The following MACROD2 variants were observed in gnomAD, a reference collection of about 807,000 sequenced individuals.
MACROD2 encodes mono-ADP ribosylhydrolase 2.
Under a neutral mutation model 70.4 loss-of-function variants are expected in MACROD2, and 36 were observed. The ratio of observed to expected loss-of-function variants is 0.51; its 90% CI spans 0.39 to 0.68. The LOEUF is 0.68. Among genes scored for constraint, MACROD2 ranks in the 30% least tolerant of loss-of-function variants. The probability of loss-of-function intolerance (pLI) is 0.00; values close to 1 mark genes in which losing one functional copy is unlikely to be tolerated. For missense variants in MACROD2, 496 were observed against 538.4 expected, an observed-to-expected ratio of 0.92 and a Z score of 0.78; for synonymous variants, 172 against 178.8, an observed-to-expected ratio of 0.96 and a Z score of 0.30.
chr20:15,210,734 A>T (rs971676146), intron 5 of MACROD2, among the ~76,000 whole-genome samples: 2 of 151,782 alleles, frequency 1.3e-5, no homozygotes, highest in Non-Finnish European at 2.9e-5. Context: ...TTCTCATGAG[A>T]TCGTTGTTTA....
chr20:14,802,905 A>T (rs2072595607), intron 5 of MACROD2, among the ~76,000 whole-genome samples: 2 of 151,960 alleles, frequency 1.3e-5, no homozygotes, highest in Admixed American at 6.6e-5. Context: ...AGTATTAGAG[A>T]TATGCCTACC....
At chr20:15,252,156 A>C (rs746763209) in intron 6 of MACROD2, among the ~76,000 whole-genome samples, 7 of 152,228 alleles carry the variant, frequency 4.6e-5, no homozygotes, top group Non-Finnish European at 1.0e-4. Context: ...TTGAGGAGCT[A>C]TACTAGGCTT....
At chr20:14,567,297 G>A (rs1260944857) in intron 4 of MACROD2, among the ~76,000 whole-genome samples, 1 of 151,856 alleles carries the variant, frequency 6.6e-6, no homozygotes, top group South Asian at 2.1e-4. Context: ...TTGTATGTTG[G>A]GATATTTTGA....
chr20:14,301,512 C>G (rs1386750911), intron 3 of MACROD2, among the ~76,000 whole-genome samples: 1 of 152,070 alleles, frequency 6.6e-6, no homozygotes, highest in African/African-American at 2.4e-5. Context: ...TGTCTATGAA[C>G]CACTGAACAA....
intron 8 of MACROD2, among the ~76,000 whole-genome samples, chr20:15,860,941 A>T (rs914254062): frequency 3.3e-5 from 5 of 152,348 alleles, no homozygotes; most frequent in African/African-American, 9.6e-5. Context: ...ACATGAAAAC[A>T]AGTCAAAGAA....
chr20:15,099,937 G>GA (rs1029937842), intron 5 of MACROD2, among the ~76,000 whole-genome samples: 11 of 146,436 alleles, frequency 7.5e-5, no homozygotes, highest in Non-Finnish European at 1.2e-4. Context: ...TGGTAGGATT[G>GA]AAAAAAAAAA....
intron 8 of MACROD2, among the ~76,000 whole-genome samples, chr20:15,757,931 A>G (rs2051372512): frequency 6.6e-6 from 1 of 152,154 alleles, no homozygotes; most frequent in Non-Finnish European, 1.5e-5. Flanking sequence ...GGAGGACACA[A>G]TCATTTAGCC....
intron 5 of MACROD2, among the ~76,000 whole-genome samples, chr20:14,873,911 A>T (rs2073518811): frequency 6.6e-6 from 1 of 152,138 alleles, no homozygotes; most frequent in African/African-American, 2.4e-5. Context: ...TTTATTCAGG[A>T]TAGCATATTA....
chr20:15,184,326 A>G (rs2076520385), intron 5 of MACROD2, among the ~76,000 whole-genome samples: 1 of 152,254 alleles, frequency 6.6e-6, no homozygotes, highest in Non-Finnish European at 1.5e-5. Flanking sequence ...CATCCCCTTC[A>G]AAAGGAATGA....
At chr20:15,495,932 T>C (rs574210205) in intron 7 of MACROD2, among the ~76,000 whole-genome samples, 2 of 152,204 alleles carry the variant, frequency 1.3e-5, no homozygotes, top group African/African-American at 4.8e-5. Context: ...AGAAATGTCA[T>C]TTCAGAAAGA....
At chr20:15,909,514 ATTTTTTTTTTTTTTT>A (rs10617621) in intron 10 of MACROD2, among the ~76,000 whole-genome samples, 1 of 70,812 alleles carries the variant, frequency 1.4e-5, no homozygotes, top group East Asian at 4.5e-4. Context: ...ACATAATACA[ATTTTTTTTTTTTTTT>A]TTTTTTTTTT....
rs1255694657 is a variant in MACROD2, at chr20:15,766,705, G to A, written c.646-96040G>A. 3.9e-5 allele frequency among the ~76,000 whole-genome samples: 6 copies of A among 152,160 alleles called. No individual in the cohort carries two copies. In the East Asian group the frequency reaches 5.8e-4, roughly 15 times the overall value. On this transcript the variant is annotated intron_variant, in intron 8 of 17. Coordinates refer to ENST00000684519, the MANE Select transcript of MACROD2 (RefSeq NM_001351661.2). Reference sequence around the variant, plus strand: ...GCCATCTTTTATTACTTAGACGATCGATGGCGATGATGTGGAATTTGCAAC... The same window carrying A: ...GCCATCTTTTATTACTTAGACGATCAATGGCGATGATGTGGAATTTGCAAC...
chr20:14,070,118 T>G (rs1001035557), intron 2 of MACROD2, among the ~76,000 whole-genome samples: 13 of 152,114 alleles, frequency 8.5e-5, no homozygotes, highest in Non-Finnish European at 1.5e-4. Context: ...TTTAAGCCAC[T>G]AAGTTTTGGA....
At chr20:14,461,259 A>G (rs2123016688) in intron 3 of MACROD2, among the ~76,000 whole-genome samples, 1 of 152,082 alleles carries the variant, frequency 6.6e-6, no homozygotes, top group Admixed American at 6.5e-5. Context: ...CTTCTGTGGG[A>G]TCAGTGGTGA....
chr20:15,071,898 T>TACATTGTATG (rs763011195), intron 5 of MACROD2, among the ~76,000 whole-genome samples: 1 of 152,142 alleles, frequency 6.6e-6, no homozygotes. Flanking sequence ...GCATTTGGCT[T>TACATTGTATG]CATTTCTTCT....
chr20:14,066,659 A>G (rs1344543882), intron 2 of MACROD2, among the ~76,000 whole-genome samples: 4 of 152,156 alleles, frequency 2.6e-5, no homozygotes, highest in Non-Finnish European at 5.9e-5. Flanking sequence ...TCACTGTAAT[A>G]CTTTAGTTCT....
intron 3 of MACROD2, among the ~76,000 whole-genome samples, chr20:14,207,050 T>A (rs753007782): frequency 3.9e-5 from 6 of 151,926 alleles, no homozygotes; most frequent in Non-Finnish European, 8.8e-5. Flanking sequence ...CAGATGGTGA[T>A]ACACACTAAA....
intron 5 of MACROD2, among the ~76,000 whole-genome samples, chr20:14,964,938 A>G (rs2074618693): frequency 6.6e-6 from 1 of 152,240 alleles, no homozygotes; most frequent in Non-Finnish European, 1.5e-5. Flanking sequence ...AACACTTTGA[A>G]GGAAAGGTGT....
intron 3 of MACROD2, among the ~76,000 whole-genome samples, chr20:14,235,203 T>G (rs1335417540): frequency 6.6e-6 from 1 of 152,192 alleles, no homozygotes; most frequent in Non-Finnish European, 1.5e-5. Flanking sequence ...AAAATTTATA[T>G]TATGAACAGC....
Sources: allele counts gnomAD v4.1 joint callset (sites outside exome capture counted in the v4.1 genomes callset), GRCh38; gene constraint gnomAD v4.1.1; transcripts MANE v1.5; gene names NCBI Gene and HGNC (gene_info 2026-07-23, HGNC 2026-07-21).